Variants in SLC14A2 observed in about 807,000 individuals in gnomAD.
SLC14A2 encodes urea transporter 2.
SLC14A2 carries 91 observed loss-of-function variants against 104.6 expected under a neutral mutation model. The observed-to-expected ratio is 0.87, with a 90% CI of 0.73 to 1.04. The LOEUF is 1.04. Among genes scored for constraint, SLC14A2 ranks in the 50% least tolerant of loss-of-function variants. The pLI, the probability that SLC14A2 is intolerant of heterozygous loss-of-function variation, is 0.00. For missense variants in SLC14A2, 1,189 were observed against 1,156.0 expected, an observed-to-expected ratio of 1.03 and a Z score of -0.41; for synonymous variants, 476 against 466.4, an observed-to-expected ratio of 1.02 and a Z score of -0.27.
chr18:45,564,037 A>G (rs35576120), intron 2 of SLC14A2, among the ~76,000 whole-genome samples: 6,488 of 152,310 alleles, frequency 0.043, 196 homozygotes, highest in Non-Finnish European at 0.068. Flanking sequence ...GCGTATAATG[A>G]GTTTTATGTT....
chr18:45,517,025 G>A (rs1175290968), intron 2 of SLC14A2, among the ~76,000 whole-genome samples: 3 of 152,236 alleles, frequency 2.0e-5, no homozygotes, highest in Admixed American at 1.3e-4. Flanking sequence ...CTCACTGTGT[G>A]CTGTCTGTGA....
At chr18:45,603,131 G>A (rs569514312) in intron 2 of SLC14A2, among the ~76,000 whole-genome samples, 4 of 151,762 alleles carry the variant, frequency 2.6e-5, no homozygotes, top group African/African-American at 9.7e-5. Flanking sequence ...AGCAGGGAGG[G>A]GAACATCACA....
intron 2 of SLC14A2, among the ~76,000 whole-genome samples, chr18:45,559,245 C>T (rs905195422): frequency 6.6e-6 from 1 of 152,240 alleles, no homozygotes; most frequent in African/African-American, 2.4e-5. Context: ...AAAAGTCAAA[C>T]AAAGGAAAGA....
chr18:45,265,880 G>A (rs551393513), intron 1 of SLC14A2, among the ~76,000 whole-genome samples: 2 of 152,152 alleles, frequency 1.3e-5, no homozygotes, highest in Non-Finnish European at 2.9e-5. Context: ...ATCATTTTAC[G>A]TGCTAGGGAG....
At chr18:45,237,030 A>G (rs569278572) in intron 1 of SLC14A2, among the ~76,000 whole-genome samples, 1 of 152,278 alleles carries the variant, frequency 6.6e-6, no homozygotes, top group African/African-American at 2.4e-5. Context: ...TGTAACTCGG[A>G]GGTCACAAGT....
chr18:45,251,829 A>G (rs1214690069), intron 1 of SLC14A2, among the ~76,000 whole-genome samples: 1 of 152,192 alleles, frequency 6.6e-6, no homozygotes, highest in Non-Finnish European at 1.5e-5. Context: ...AGGCTTCAAC[A>G]TATGAATTTT....
intron 1 of SLC14A2, among the ~76,000 whole-genome samples, chr18:45,405,790 T>G (rs1003733008): frequency 6.7e-6 from 1 of 150,020 alleles, no homozygotes; most frequent in African/African-American, 2.5e-5. Context: ...TCCCAGCTAC[T>G]GGGGAGGCTG....
intron 2 of SLC14A2, chr18:45,528,896 T>C (rs1024991313): frequency 1.3e-5 from 2 of 152,252 alleles, no homozygotes; most frequent in African/African-American, 4.8e-5. Context: ...ATGGTAAACA[T>C]GGCACTGTGC....
chr18:45,455,660 A>AATAATAAT (rs2086931096), intron 1 of SLC14A2, among the ~76,000 whole-genome samples: 1 of 90,326 alleles, frequency 1.1e-5, no homozygotes, highest in Non-Finnish European at 3.0e-5. Flanking sequence ...ATAATAATAA[A>AATAATAAT]GTAAAAAAAA....
chr18:45,390,117 T>C (rs1246656216), intron 1 of SLC14A2, among the ~76,000 whole-genome samples: 2 of 152,086 alleles, frequency 1.3e-5, no homozygotes, highest in Non-Finnish European at 2.9e-5. Context: ...CTGCAGAACA[T>C]AGGGAATGCT....
At chr18:45,541,896 T>C (rs1190193175) in intron 2 of SLC14A2, among the ~76,000 whole-genome samples, 1 of 152,160 alleles carries the variant, frequency 6.6e-6, no homozygotes. Context: ...AACAGGGTCT[T>C]GCACAAAATA....
rs543938424 is a variant in SLC14A2, at chr18:45,666,233, G to C, written c.1557+14G>C. 131 of 1,576,982 alleles carry C rather than the reference G, an allele frequency of 8.3e-5. 1 individual carries two copies. In the South Asian group the frequency reaches 1.4e-3, roughly 17 times the overall value. On this transcript the variant is annotated intron_variant, in intron 12 of 19. Transcript: ENST00000255226. ...GTCGAGCTGCTTGTGAGTACTGAGT[G>C]TCCTGAATCAGGGACAGCGCCCTAC...
chr18:45,260,900 C>G (rs1325344002), intron 1 of SLC14A2, among the ~76,000 whole-genome samples: 1 of 152,080 alleles, frequency 6.6e-6, no homozygotes, highest in African/African-American at 2.4e-5. Context: ...ATGATCACCA[C>G]CAGGGTAACA....
At chr18:45,436,098 GT>G (rs1398182567) in intron 1 of SLC14A2, among the ~76,000 whole-genome samples, 1 of 152,094 alleles carries the variant, frequency 6.6e-6, no homozygotes, top group Non-Finnish European at 1.5e-5. Flanking sequence ...CACACTTCGA[GT>G]TTTGTGTTAC....
intron 1 of SLC14A2, among the ~76,000 whole-genome samples, chr18:45,410,066 C>A (rs1448686868): frequency 1.3e-5 from 2 of 152,136 alleles, no homozygotes; most frequent in Admixed American, 6.5e-5. Flanking sequence ...TCATAAGGAG[C>A]ACACAACCTG....
chr18:45,526,176 T>C (rs1220426666), intron 2 of SLC14A2, among the ~76,000 whole-genome samples: 1 of 152,196 alleles, frequency 6.6e-6, no homozygotes, highest in African/African-American at 2.4e-5. Context: ...CAGCGTATCT[T>C]AGCTTGCACA....
At chr18:45,179,215 T>G in the SLC14A2 span, among the ~76,000 whole-genome samples, 1 of 152,188 alleles carries the variant, frequency 6.6e-6, no homozygotes. Context: ...ATGGATCCTG[T>G]ATCATAGCAC....
In SLC14A2 at chr18:45,682,573, G is replaced by C; in HGVS notation, c.*54G>C. 4.9e-6 allele frequency: 7 copies of C among 1,441,578 alleles called. No individual in the cohort carries two copies. The South Asian group carries it at 6.9e-5, about 14-fold the overall frequency. The allele number at this position is 1,441,578 out of a possible 1,614,324, so 89.3% of individuals were successfully genotyped here. A position where few individuals can be genotyped will look rare whatever the true frequency, so the allele number is the denominator to read the frequency against. On this transcript the variant is annotated 3_prime_UTR_variant, in exon 20 of 20. Coordinates refer to ENST00000255226, the MANE Select transcript of SLC14A2 (RefSeq NM_007163.4). ...AATTCAGGCTTCAGCACGCCGTCCA[G>C]ATCCCCAGGATAAGAGACCACTTAG...
At chr18:45,576,340 A>G (rs1349004773) in intron 2 of SLC14A2, among the ~76,000 whole-genome samples, 1 of 146,144 alleles carries the variant, frequency 6.8e-6, no homozygotes, top group East Asian at 2.0e-4. Flanking sequence ...CTGGAGTACA[A>G]TGGCGCGATC....
Sources: allele counts gnomAD v4.1 joint callset (sites outside exome capture counted in the v4.1 genomes callset), GRCh38; gene constraint gnomAD v4.1.1; transcripts MANE v1.5; gene names NCBI Gene and HGNC (gene_info 2026-07-23, HGNC 2026-07-21).